The following WIPI1 variants were observed in gnomAD, a reference collection of about 807,000 sequenced individuals.
The protein encoded by WIPI1 is WD repeat domain phosphoinositide-interacting protein 1.
WIPI1 carries 45 observed loss-of-function variants against 55.3 expected under a neutral mutation model. That is an observed-to-expected ratio of 0.81 (90% confidence interval 0.64 to 1.04). WIPI1 has a LOEUF of 1.04. Ranked by LOEUF, WIPI1 falls within the 50% of genes least tolerant of loss-of-function variation. WIPI1 has a pLI of 0.00. For missense variants in WIPI1, 445 were observed against 559.0 expected (o/e 0.80, Z 2.06); for synonymous variants, 195 against 217.6 (o/e 0.90, Z 0.92).
At chr17:68,451,728 CCCT>C (rs2084507776) in intron 2 of WIPI1, among the ~76,000 whole-genome samples, 1 of 152,176 alleles carries the variant, frequency 6.6e-6, no homozygotes, top group Admixed American at 6.5e-5. Context: ...TCCCCCCACC[CCCT>C]ATCTTGCTGT....
chr17:68,426,656 C>T (rs531782415), intron 11 of WIPI1, among the ~76,000 whole-genome samples: 4 of 152,188 alleles, frequency 2.6e-5, no homozygotes, highest in Non-Finnish European at 5.9e-5. Flanking sequence ...CCTCAGCCTC[C>T]GGAGTAGCTG....
intron 4 of WIPI1, among the ~76,000 whole-genome samples, chr17:68,441,757 T>A (rs2084087433): frequency 6.6e-6 from 1 of 152,164 alleles, no homozygotes; most frequent in South Asian, 2.1e-4. Context: ...CTCTGGGGGC[T>A]AAAAATGATC....
intron 4 of WIPI1, chr17:68,441,098 GACC>G (rs1383595933): frequency 2.0e-5 from 3 of 152,190 alleles, no homozygotes; most frequent in Non-Finnish European, 2.9e-5. Context: ...TCAGCTCTGT[GACC>G]ACCTCCTCCA....
chr17:68,455,933 T>G (rs939834196), intron 1 of WIPI1, among the ~76,000 whole-genome samples: 1 of 152,234 alleles, frequency 6.6e-6, no homozygotes, highest in African/African-American at 2.4e-5. Context: ...CCATGCCCTC[T>G]TGCAAAATGT....
intron 4 of WIPI1, among the ~76,000 whole-genome samples, chr17:68,443,745 T>C (rs1243353125): frequency 2.0e-5 from 3 of 152,220 alleles, no homozygotes; most frequent in Non-Finnish European, 2.9e-5. Context: ...TGAAATATAA[T>C]AGAAGCAGTT....
At chr17:68,422,155 C>A in intron 12 of WIPI1, 1 of 232,406 alleles carries the variant, frequency 4.3e-6, no homozygotes, top group Non-Finnish European at 8.8e-6. Context: ...AGGCTGGGCG[C>A]GGTGGCTCAC....
At chr17:68,447,628 C>T (rs911005589) in intron 3 of WIPI1, among the ~76,000 whole-genome samples, 3 of 152,098 alleles carry the variant, frequency 2.0e-5, no homozygotes, top group Admixed American at 2.0e-4. Context: ...TGGGCTCAAG[C>T]GATCCTCCTG....
In WIPI1 at chr17:68,421,729, C is replaced by T; in HGVS notation, c.*44G>A. 1 of 1,613,976 alleles carries T rather than the reference C, an allele frequency of 6.2e-7. No homozygotes were observed. Among genetic ancestry groups the T allele is most frequent in the South Asian group, 1.1e-5 (1 of 91,068 alleles). The stretch of plus-strand genomic sequence containing the variant: ...CCGCCTTCCTTGTTTTCTCCAAAAC[C>T]ACCTGATAGGGGGGATGTCCTGATT... On this transcript the variant is annotated 3_prime_UTR_variant, in exon 13 of 13. Coordinates refer to ENST00000262139, the MANE Select transcript of WIPI1 (RefSeq NM_017983.7).
chr17:68,436,333 ACACAGC>A, intron 5 of WIPI1, 43 bp downstream of exon 5: 1 of 1,564,242 alleles, frequency 6.4e-7, no homozygotes, highest in Non-Finnish European at 8.8e-7. Flanking sequence ...TTCCATGACC[ACACAGC>A]CAAGGCAGGT....
chr17:68,440,454 A>G (rs2084028081), intron 4 of WIPI1, among the ~76,000 whole-genome samples: 1 of 152,238 alleles, frequency 6.6e-6, no homozygotes, highest in South Asian at 2.1e-4. Context: ...TGTATAATAT[A>G]AAAGTGATGG....
At chr17:68,433,785 T>TTTG (rs1568633104) in intron 7 of WIPI1, among the ~76,000 whole-genome samples, 2 of 88,324 alleles carry the variant, frequency 2.3e-5, no homozygotes, top group African/African-American at 7.7e-5. Flanking sequence ...TTTTTTTTTT[T>TTTG]TTTTTTTTTT....
At chr17:68,446,137 G>A (rs763491917) in intron 3 of WIPI1, among the ~76,000 whole-genome samples, 4 of 152,030 alleles carry the variant, frequency 2.6e-5, no homozygotes, top group Non-Finnish European at 5.9e-5. Flanking sequence ...AATGATGAAG[G>A]TCATCAGTGT....
At chr17:68,426,254 G>GGGGT (rs1445054523) in intron 11 of WIPI1, 79 bp from the exon 12 acceptor site, 7 of 816,872 alleles carry the variant, frequency 8.6e-6, no homozygotes, top group Admixed American at 2.3e-5. Flanking sequence ...GGGAGCGGGG[G>GGGGT]CTCAAATAAA....
intron 4 of WIPI1, 108 bp from the exon 5 acceptor site, chr17:68,436,587 G>T (rs917341491): frequency 4.1e-6 from 4 of 975,616 alleles, no homozygotes; most frequent in Non-Finnish European, 4.6e-6. Context: ...TACTGGCAAG[G>T]GGAGGAATGG....
rs769290649 is a variant in WIPI1 at position 68,428,831 on chromosome 17, G to A, written c.1071C>T (p.His357=). 2.5e-6 allele frequency: 4 copies of A among 1,611,958 alleles called. No individual in the cohort carries two copies. The highest frequency in any genetic ancestry group is 1.1e-5 in the South Asian group (1 of 91,020). ...CTTTTGAAAAGCAGTCTCTTCACCT[G>A]TGGGTTTTGATTAAGACACACTCTC... ...DGGECVLIKT[H]SLLGSGTTEE... The change falls in exon 10 of 13, where the codon CAC becomes CAT. Residue 357 remains histidine, a splice_region_variant and synonymous_variant. Transcript: ENST00000262139.
intron 4 of WIPI1, among the ~76,000 whole-genome samples, chr17:68,442,874 G>A (rs2084137759): frequency 6.6e-6 from 1 of 152,154 alleles, no homozygotes. Flanking sequence ...ACTAGATTTT[G>A]GGCTCCTGGT....
At chr17:68,437,948 T>TAAA (rs199649033) in intron 4 of WIPI1, among the ~76,000 whole-genome samples, 4 of 78,800 alleles carry the variant, frequency 5.1e-5, no homozygotes, top group South Asian at 5.6e-4. Context: ...ACATCTCTCT[T>TAAA]AAAAAAAAAA....
chr17:68,432,624 C>T (rs980833324), intron 8 of WIPI1, among the ~76,000 whole-genome samples: 4 of 151,998 alleles, frequency 2.6e-5, no homozygotes, highest in Non-Finnish European at 5.9e-5. Context: ...GCCTCTGTTA[C>T]GTATGTGTTA....
In WIPI1 at chr17:68,450,897, T is replaced by A. The variant is rs1400693349; in HGVS notation, c.164A>T (p.Asn55Ile). Residue 55 changes from asparagine to isoleucine, a missense_variant and splice_region_variant, in exon 3 of 13, where the codon AAT becomes ATT. Transcript: ENST00000262139. ...VEQLDQVHGS[N>I]EIPDVYIVER... Reference sequence around the variant, plus strand: ...CACGATGTAGACGTCCGGGATTTCATCTGGGAGGAAAAGCAGCCGGGAGGT... The same window carrying A: ...CACGATGTAGACGTCCGGGATTTCAACTGGGAGGAAAAGCAGCCGGGAGGT... 2 of 1,611,096 alleles carry A rather than the reference T, an allele frequency of 1.2e-6. No homozygotes were observed. The highest frequency in any genetic ancestry group is 1.7e-5 in the Admixed American group (1 of 59,344).
Sources: allele counts gnomAD v4.1 joint callset (sites outside exome capture counted in the v4.1 genomes callset), GRCh38; gene constraint gnomAD v4.1.1; transcripts MANE v1.5; gene names NCBI Gene and HGNC (gene_info 2026-07-23, HGNC 2026-07-21).